ATP11C: variants seen among roughly 807,000 people sequenced by gnomAD.
ATP11C encodes ATPase phospholipid transporting 11C (ATP11C blood group), also known as phospholipid-transporting ATPase IG.
In ATP11C, 36 loss-of-function variants were observed where a neutral mutation model predicts 97.4. The observed-to-expected ratio is 0.37, with a 90% CI of 0.28 to 0.49. The LOEUF (loss-of-function observed/expected upper bound fraction) is 0.49, where lower values mean the gene tolerates loss of function less well. Among genes scored for constraint, ATP11C ranks in the 20% least tolerant of loss-of-function variants. The probability of loss-of-function intolerance (pLI) is 0.98; values close to 1 mark genes in which losing one functional copy is unlikely to be tolerated. For synonymous variants in ATP11C, 275 were observed against 290.9 expected (o/e 0.95, Z 0.56); for missense variants, 730 against 824.6 (o/e 0.89, Z 1.40).
At chrX:139,888,440 A>G (rs1375914457) in intron 1 of ATP11C, among the ~76,000 whole-genome samples, 1 of 111,437 alleles carries the variant, frequency 9.0e-6, no homozygotes, top group East Asian at 2.8e-4. Context: ...CCAAAGCTGT[A>G]TAATTTTTCA....
chrX:139,804,705 C>A, intron 5 of ATP11C, 106 bp from the exon 6 acceptor site: 1 of 586,156 alleles, frequency 1.7e-6, no homozygotes, highest in South Asian at 4.2e-5. Flanking sequence ...AGCTCTGGGG[C>A]TTTGAGAGTA....
intron 1 of ATP11C, among the ~76,000 whole-genome samples, chrX:139,912,396 G>A (rs2085091796): frequency 9.0e-6 from 1 of 110,679 alleles, no homozygotes; most frequent in Admixed American, 9.7e-5. Flanking sequence ...AGGTAGAATT[G>A]TATTGCTAAT....
In ATP11C at chrX:139,745,533, T is replaced by C. The variant is rs778281592; in HGVS notation, c.2964+189A>G. On this transcript the variant is annotated intron_variant, in intron 25 of 29. Transcript: ENST00000682941. ...TGCACATAAGCTCTCTAGTTAGCCATGCACAGAAAGTGATTTCTTATTTCA... is the reference window on the plus strand; with the variant it reads ...TGCACATAAGCTCTCTAGTTAGCCACGCACAGAAAGTGATTTCTTATTTCA... 4.5e-5 allele frequency among the ~76,000 whole-genome samples: 5 copies of C among 112,314 alleles called. No individual in the cohort carries two copies. The South Asian group carries it at 1.8e-3, about 41-fold the overall frequency.
intron 20 of ATP11C, among the ~76,000 whole-genome samples, chrX:139,766,301 G>C (rs1043140183): frequency 6.1e-4 from 68 of 111,916 alleles, no homozygotes; most frequent in African/African-American, 2.2e-3. Context: ...AAGCAGCATG[G>C]GGTCAGGAAT....
rs1014280117 is a variant in ATP11C, at chrX:139,849,811, G to A, written c.28-22988C>T. On this transcript the variant is annotated intron_variant, in intron 1 of 29. Coordinates refer to ENST00000682941, the MANE Select transcript of ATP11C (RefSeq NM_001353812.2). ...CTTAAGAGATAATTAGGCCATGAGGGCTCTGCCCCCATTAATGGATTAATG... is the reference window on the plus strand; with the variant it reads ...CTTAAGAGATAATTAGGCCATGAGGACTCTGCCCCCATTAATGGATTAATG... Among the ~76,000 whole-genome samples the A allele has an allele frequency of 3.6e-5, 4 of 112,549 alleles. No individual in the cohort carries two copies. In the Admixed American group the frequency reaches 3.7e-4, roughly 11 times the overall value.
intron 29 of ATP11C, among the ~76,000 whole-genome samples, chrX:139,731,252 G>C (rs895947251): frequency 1.8e-5 from 2 of 111,862 alleles, no homozygotes; most frequent in South Asian, 7.4e-4. Flanking sequence ...AAATTGGCTT[G>C]ATATTATACA....
chrX:139,787,006 C>T (rs1031993096), intron 15 of ATP11C, among the ~76,000 whole-genome samples, 167 bp downstream of exon 15: 1 of 112,089 alleles, frequency 8.9e-6, no homozygotes, highest in African/African-American at 3.2e-5. Context: ...TTCTGCAATT[C>T]TATGTAACAT....
intron 1 of ATP11C, among the ~76,000 whole-genome samples, chrX:139,890,633 A>G (rs756850081): frequency 1.8e-5 from 2 of 111,793 alleles, no homozygotes; most frequent in African/African-American, 6.5e-5. Flanking sequence ...GTATTTATTC[A>G]CTCATTCCTT....
intron 1 of ATP11C, among the ~76,000 whole-genome samples, chrX:139,855,911 G>A (rs1460541118): frequency 1.8e-5 from 2 of 112,010 alleles, no homozygotes; most frequent in Non-Finnish European, 3.8e-5. Context: ...TTGGTCCAGT[G>A]TTCTGTGGAC....
chrX:139,846,846 AG>A (rs2083916120), intron 1 of ATP11C, among the ~76,000 whole-genome samples: 1 of 109,850 alleles, frequency 9.1e-6, no homozygotes, highest in African/African-American at 3.3e-5. Context: ...TATCTGCAAA[AG>A]GAAACGGTTG....
intron 2 of ATP11C, among the ~76,000 whole-genome samples, chrX:139,821,752 C>T (rs930435096): frequency 1.8e-5 from 2 of 111,833 alleles, no homozygotes; most frequent in African/African-American, 6.5e-5. Context: ...TCCTAAGTCC[C>T]CTTATCACAG....
chrX:139,773,958 C>T (rs1432605714), intron 19 of ATP11C, among the ~76,000 whole-genome samples: 1 of 112,170 alleles, frequency 8.9e-6, no homozygotes, highest in Non-Finnish European at 1.9e-5. Flanking sequence ...ATAAAGTGTG[C>T]TTAAGAAATT....
chrX:139,842,195 C>T (rs1251493077), intron 1 of ATP11C, among the ~76,000 whole-genome samples: 1 of 112,213 alleles, frequency 8.9e-6, no homozygotes, highest in Non-Finnish European at 1.9e-5. Context: ...CCACACGCAC[C>T]TAATTTGTTT....
chrX:139,877,640 C>T (rs1373752873), intron 1 of ATP11C, among the ~76,000 whole-genome samples: 1 of 112,103 alleles, frequency 8.9e-6, no homozygotes, highest in Non-Finnish European at 1.9e-5. Flanking sequence ...CAAACTTCCA[C>T]AAATGAGCTG....
chrX:139,799,644 C>CTTTTTTTT (rs754371113), intron 8 of ATP11C, among the ~76,000 whole-genome samples: 19 of 60,357 alleles, frequency 3.1e-4, no homozygotes, highest in Non-Finnish European at 4.4e-4. Context: ...CTTTATATTC[C>CTTTTTTTT]TTTTTTTTTT....
At chrX:139,935,810 C>T (rs1017014341), upstream of ATP11C, among the ~76,000 whole-genome samples, 2 of 110,564 alleles carry the variant, frequency 1.8e-5, no homozygotes, top group Admixed American at 9.6e-5. Context: ...AACAACATAG[C>T]GAAACCCTGT....
intron 1 of ATP11C, among the ~76,000 whole-genome samples, chrX:139,895,589 C>T (rs754284883): frequency 3.4e-4 from 38 of 111,391 alleles, no homozygotes; most frequent in Non-Finnish European, 6.2e-4. Flanking sequence ...TTATTTTTGT[C>T]TATTTGCCTT....
intron 2 of ATP11C, among the ~76,000 whole-genome samples, chrX:139,825,205 G>A (rs950951317): frequency 2.7e-5 from 3 of 111,314 alleles, no homozygotes; most frequent in African/African-American, 6.5e-5. Context: ...AAAAAAATGA[G>A]GAAGGAACCC....
chrX:139,800,120 G>T lies in ATP11C; in HGVS notation c.660-10C>A. ...GATTCGCCCAACAAATCTGTAAAAA[G>T]AACAAAATTGCAAATGTGTTTTCTA... On this transcript the variant is annotated splice_polypyrimidine_tract_variant and intron_variant, in intron 7 of 29. Coordinates refer to ENST00000682941, the MANE Select transcript of ATP11C (RefSeq NM_001353812.2). 2 of 1,159,566 alleles carry T rather than the reference G, an allele frequency of 1.7e-6. No individual in the cohort carries two copies. Among genetic ancestry groups the T allele is most frequent in the African/African-American group, 3.7e-5 (2 of 54,605 alleles).
Sources: gnomAD v4.1 joint callset for allele counts (sites outside exome capture counted in the v4.1 genomes callset) on GRCh38, gnomAD v4.1.1 for gene constraint, MANE v1.5 for transcripts, NCBI Gene and HGNC (gene_info 2026-07-23, HGNC 2026-07-21) for gene names.